The following UGT1A7 variants were observed in gnomAD, a reference collection of about 807,000 sequenced individuals.
UGT1A7 encodes the protein UDP-glucuronosyltransferase 1A7.
Under a neutral mutation model 45.6 loss-of-function variants are expected in UGT1A7, and 33 were observed. The observed-to-expected ratio is 0.72, with a 90% CI of 0.55 to 0.97. The LOEUF (loss-of-function observed/expected upper bound fraction) is 0.97, where lower values mean the gene tolerates loss of function less well. Ranked by LOEUF, UGT1A7 falls within the 50% of genes least tolerant of loss-of-function variation. The pLI is 0.00. For synonymous variants in UGT1A7, 274 were observed against 250.6 expected (o/e 1.09, Z -0.88); for missense variants, 684 against 666.2 (o/e 1.03, Z -0.29).
At chr2:233,719,345 C>A in intron 1 of UGT1A7, 1 of 1,613,904 alleles carries the variant, frequency 6.2e-7, no homozygotes, top group Non-Finnish European at 8.5e-7. Context: ...TTTGGAGGTA[C>A]ATTCCATGTG....
chr2:233,773,017 C>A lies in UGT1A7; in HGVS notation c.*458C>A. 4.9e-6 allele frequency: 1 copy of A among 206,174 alleles called. No individual in the cohort carries two copies. The allele number at this position is 206,174 out of a possible 1,614,324, so 12.8% of individuals were successfully genotyped here. ...CTCTGTCGTGCTTCATAGGTGCCAC[C>A]TTGTGTGTTTAAAGAAGGGAAGCTT... On this transcript the variant is annotated 3_prime_UTR_variant, in exon 5 of 5. Transcript: ENST00000373426.
chr2:233,688,161 C>T (rs544073369), intron 1 of UGT1A7, among the ~76,000 whole-genome samples: 1 of 152,300 alleles, frequency 6.6e-6, no homozygotes, highest in East Asian at 1.9e-4. Flanking sequence ...CTATTCTGGG[C>T]ATTTCATGGA....
intron 1 of UGT1A7, among the ~76,000 whole-genome samples, chr2:233,696,838 AC>A (rs1481479612): frequency 6.6e-6 from 1 of 152,124 alleles, no homozygotes; most frequent in Non-Finnish European, 1.5e-5. Context: ...TCATAAAGGG[AC>A]GTTGAATTTT....
At chr2:233,691,409 G>A in intron 1 of UGT1A7, 1 of 985,558 alleles carries the variant, frequency 1.0e-6, no homozygotes, top group Non-Finnish European at 1.2e-6. Context: ...TGTCCTTGGA[G>A]TGGCCCCTCT....
intron 1 of UGT1A7, among the ~76,000 whole-genome samples, chr2:233,714,260 A>T (rs2076376447): frequency 6.6e-6 from 1 of 152,230 alleles, no homozygotes; most frequent in East Asian, 1.9e-4. Context: ...ATAGAAATTT[A>T]CAATTGTTGA....
intron 1 of UGT1A7, among the ~76,000 whole-genome samples, chr2:233,696,018 G>A (rs1380009671): frequency 1.3e-5 from 2 of 152,070 alleles, no homozygotes; most frequent in African/African-American, 2.4e-5. Flanking sequence ...CACAGACATG[G>A]GGCTCAGTCC....
At chr2:233,685,934 CA>C (rs2074765485) in intron 1 of UGT1A7, among the ~76,000 whole-genome samples, 1 of 152,060 alleles carries the variant, frequency 6.6e-6, no homozygotes, top group African/African-American at 2.4e-5. Context: ...CTGATTGTCT[CA>C]AAAAAGTCTT....
chr2:233,682,261 A>C lies in UGT1A7; in HGVS notation c.324A>C (p.Leu108=), dbSNP rs781510118. 1.9e-6 allele frequency: 3 copies of C among 1,614,184 alleles called. No individual in the cohort carries two copies. Among genetic ancestry groups the C allele is most frequent in the Non-Finnish European group, 2.5e-6 (3 of 1,180,022 alleles). ...WTAPLRSAFS[L]LTSSSNGIFD... Reference sequence around the variant, plus strand: ...CACCATTGCGAAGTGCATTTTCTCTATTAACAAGTTCATCCAATGGTATTT... The same window carrying C: ...CACCATTGCGAAGTGCATTTTCTCTCTTAACAAGTTCATCCAATGGTATTT... Residue 108 remains leucine (L), a synonymous_variant, in exon 1 of 5, where the codon CTA becomes CTC. Transcript: ENST00000373426.
intron 1 of UGT1A7, chr2:233,718,927 C>T (rs149779946): frequency 8.1e-5 from 131 of 1,614,002 alleles, no homozygotes; most frequent in Non-Finnish European, 1.0e-4. Context: ...GTGGTGCCCA[C>T]TGATGGCAGC....
In UGT1A7 at chr2:233,767,014, A is replaced by C. The variant is rs1355233349; in HGVS notation, c.856-20A>C. The C allele has an allele frequency of 5.6e-6, 9 of 1,613,832 alleles. No individual in the cohort carries two copies. Among genetic ancestry groups the C allele is most frequent in the Non-Finnish European group, 1.7e-6 (2 of 1,179,972 alleles). On this transcript the variant is annotated intron_variant, in intron 1 of 4. Coordinates refer to ENST00000373426, the MANE Select transcript of UGT1A7 (RefSeq NM_019077.3). ...AGAATATGAGAAAAAATTAACTGAA[A>C]ATTTTTCTTCTGGCTCTAGGAATTT...
In UGT1A7 at chr2:233,772,254, G is replaced by A. The variant is rs1700495336; in HGVS notation, c.1296-8G>A. 1 of 1,614,242 alleles carries A rather than the reference G, an allele frequency of 6.2e-7. No homozygotes were observed. The highest frequency in any genetic ancestry group is 8.5e-7 in the Non-Finnish European group (1 of 1,180,046). On this transcript the variant is annotated splice_polypyrimidine_tract_variant and splice_region_variant and intron_variant, in intron 4 of 4. Transcript: ENST00000373426. The stretch of plus-strand genomic sequence containing the variant: ...TTCCAGGCATAACGAAACTGTCTTT[G>A]TGTTTAGTTACAAGGAGAACATCAT...
chr2:233,736,850 CTGCAGAACAGCAAATAT>C (rs1213146640), intron 1 of UGT1A7, among the ~76,000 whole-genome samples: 4 of 152,338 alleles, frequency 2.6e-5, no homozygotes, highest in African/African-American at 7.2e-5. Flanking sequence ...CCAGTGGAGG[CTGCAGAACAGCAAATAT>C]TGCAGAACAG....
At chr2:233,746,742 CAAAGCAGAGATT>C (rs1462654911) in intron 1 of UGT1A7, among the ~76,000 whole-genome samples, 1 of 151,752 alleles carries the variant, frequency 6.6e-6, no homozygotes, top group East Asian at 1.9e-4. Context: ...GCTTTGGTTC[CAAAGCAGAGATT>C]AATTGGATTG....
intron 2 of UGT1A7, 29 bp downstream of exon 2, chr2:233,767,194 A>C (rs746011204): frequency 1.9e-6 from 3 of 1,613,774 alleles, no homozygotes; most frequent in Non-Finnish European, 2.5e-6. Flanking sequence ...ATGGCCTCAT[A>C]TCTATTTTCA....
At chr2:233,742,142 G>A (rs868040003) in intron 1 of UGT1A7, among the ~76,000 whole-genome samples, 9 of 151,998 alleles carry the variant, frequency 5.9e-5, no homozygotes, top group South Asian at 2.1e-4. Flanking sequence ...ACCCAGCAGC[G>A]CTAGACGAAT....
At chr2:233,748,095 T>G (rs1186199054) in intron 1 of UGT1A7, 80 of 1,612,722 alleles carry the variant, frequency 5.0e-5, no homozygotes, top group Non-Finnish European at 6.3e-5. Context: ...TGTTCGTGCC[T>G]TCATCCAATC....
chr2:233,773,091 G>A lies in UGT1A7; in HGVS notation c.*532G>A, dbSNP rs1278315823. 2 of 162,100 alleles carry A rather than the reference G, an allele frequency of 1.2e-5. No homozygotes were observed. The highest frequency in any genetic ancestry group is 4.8e-5 in the African/African-American group (2 of 41,532). The allele number at this position is 162,100 out of a possible 1,614,324, so 10.0% of individuals were successfully genotyped here. ...ATGAATGAATGGCTTGGAGTGCACT[G>A]AGAACAGCATATGATTTCTTGCTTT... On this transcript the variant is annotated 3_prime_UTR_variant, in exon 5 of 5. Transcript: ENST00000373426.
At chr2:233,743,936 C>A in intron 1 of UGT1A7, 1 of 1,355,864 alleles carries the variant, frequency 7.4e-7, no homozygotes, top group Non-Finnish European at 9.9e-7. Flanking sequence ...CCAGAACGGC[C>A]CACCAGGCAC....
At position 233,729,748 on chromosome 2, in the gene UGT1A7, A is replaced by C. The variant is rs140766748; in HGVS notation, c.856-37286A>C. 4.5e-4 allele frequency: 721 copies of C among 1,613,992 alleles called. 2 individuals carry two copies. The highest frequency in any genetic ancestry group is 1.8e-3 in the South Asian group (167 of 91,072). Reference sequence around the variant, plus strand: ...AACCAATTCAGACCACATGACATTCATGCAAAGGGTCAAGAACATGCTCTA... The same window carrying C: ...AACCAATTCAGACCACATGACATTCCTGCAAAGGGTCAAGAACATGCTCTA... On this transcript the variant is annotated intron_variant, in intron 1 of 4. Coordinates refer to ENST00000373426, the MANE Select transcript of UGT1A7 (RefSeq NM_019077.3).
Sources: allele counts gnomAD v4.1 joint callset (sites outside exome capture counted in the v4.1 genomes callset), GRCh38; gene constraint gnomAD v4.1.1; transcripts MANE v1.5; gene names NCBI Gene and HGNC (gene_info 2026-07-23, HGNC 2026-07-21).